Variants in ANKRD36B observed in about 807,000 individuals in gnomAD.
The protein encoded by ANKRD36B is ankyrin repeat domain-containing protein 36B.
In ANKRD36B, 37 loss-of-function variants were observed where a neutral mutation model predicts 135.7. The observed-to-expected ratio is 0.27, with a 90% CI of 0.21 to 0.36. ANKRD36B has a LOEUF of 0.36. Ranked by LOEUF, ANKRD36B falls within the 10% of genes least tolerant of loss-of-function variation. The pLI is 1.00. For synonymous variants in ANKRD36B, 179 were observed against 348.1 expected (o/e 0.51, Z 5.41); for missense variants, 549 against 1,037.1 (o/e 0.53, Z 6.46).
intron 6 of ANKRD36B, among the ~76,000 whole-genome samples, chr2:97,573,501 C>G (rs77456877): frequency 1.3e-5 from 2 of 148,892 alleles, no homozygotes; most frequent in African/African-American, 5.0e-5. Context: ...CCCCATCAAG[C>G]TATCAATGAC....
chr2:97,540,268 G>A lies in ANKRD36B; in HGVS notation c.1886-39C>T, dbSNP rs376050070. On this transcript the variant is annotated intron_variant, in intron 28 of 43. Transcript: ENST00000359901. ...GGGATACATAATCACCCACATGCAC[G>A]TATGATAAAGTTATTCATACATTCA... is the stretch of plus-strand genomic sequence containing the variant. 872 of 949,972 alleles carry A rather than the reference G, an allele frequency of 9.2e-4. 323 individuals carry two copies. The highest frequency in any genetic ancestry group is 1.1e-3 in the Admixed American group (55 of 48,164). The allele number at this position is 949,972 out of a possible 1,614,324, so 58.8% of individuals were successfully genotyped here.
At chr2:97,561,999 A>ATGCATTTAG (rs70938519) in intron 6 of ANKRD36B, among the ~76,000 whole-genome samples, 1 of 33,112 alleles carries the variant, frequency 3.0e-5, no homozygotes, top group Non-Finnish European at 1.4e-4. Context: ...ATCTGAAGTG[A>ATGCATTTAG]GTTCACTTAA....
intron 10 of ANKRD36B, among the ~76,000 whole-genome samples, chr2:97,558,268 G>A (rs2080709270): frequency 6.6e-6 from 1 of 152,142 alleles, no homozygotes; most frequent in African/African-American, 2.4e-5. Context: ...GTTCGAATAT[G>A]CAACTGAACT....
intron 4 of ANKRD36B, among the ~76,000 whole-genome samples, chr2:97,580,240 T>C (rs1193713367): frequency 5.9e-5 from 9 of 152,236 alleles, no homozygotes; most frequent in African/African-American, 2.2e-4. Context: ...GTATAATGTC[T>C]ATAGAGAGAG....
chr2:97,566,812 A>G (rs1473244530), intron 6 of ANKRD36B, among the ~76,000 whole-genome samples: 1 of 152,148 alleles, frequency 6.6e-6, no homozygotes, highest in Non-Finnish European at 1.5e-5. Flanking sequence ...CCGCAACAAC[A>G]ATCATCAGCA....
rs1247860221 is a variant in ANKRD36B, at chr2:97,537,908, T to C, written c.2089+260A>G. Among the ~76,000 whole-genome samples the C allele has an allele frequency of 4.1e-5, 4 of 96,786 alleles. 1 individual carries two copies. Among genetic ancestry groups the C allele is most frequent in the Non-Finnish European group, 1.1e-4 (4 of 36,426 alleles). 63.5% of individuals were successfully genotyped at this position (96,786 alleles called of 152,430 possible). A position where few individuals can be genotyped will look rare whatever the true frequency, so the allele number is the denominator to read the frequency against. ...AAAATTATGCTGTCCCCGGATCCTCTTATCTCTTATGTCTTGAACTGTTTT... is the reference window on the plus strand; with the variant it reads ...AAAATTATGCTGTCCCCGGATCCTCCTATCTCTTATGTCTTGAACTGTTTT... On this transcript the variant is annotated intron_variant, in intron 32 of 43. Transcript: ENST00000359901.
intron 29 of ANKRD36B, 27 bp downstream of exon 29, chr2:97,540,174 T>A (rs2079082954): frequency 2.1e-6 from 2 of 961,580 alleles, no homozygotes; most frequent in Admixed American, 4.2e-5. Context: ...AATTACTAGT[T>A]CACAATATAA....
Position 97,550,720 on chromosome 2 carries a change from T to G in ANKRD36B, c.1375+569A>C, listed in dbSNP as rs534638938. ...TGCTGGAGTTGCCAAAATCAAATAT[T>G]GTTTATGAAAATGTTCCAAATGCAT... On this transcript the variant is annotated intron_variant, in intron 18 of 43. Transcript: ENST00000359901. Among the ~76,000 whole-genome samples, 3 of 151,990 alleles carry G rather than the reference T, an allele frequency of 2.0e-5. No individual in the cohort carries two copies. The South Asian group carries it at 6.2e-4, about 32-fold the overall frequency.
At chr2:97,561,150 G>A (rs1036002224) in intron 6 of ANKRD36B, among the ~76,000 whole-genome samples, 23 of 151,988 alleles carry the variant, frequency 1.5e-4, no homozygotes, top group African/African-American at 5.3e-4. Context: ...TGGATATGCT[G>A]AGTGATGAGG....
intron 6 of ANKRD36B, among the ~76,000 whole-genome samples, chr2:97,572,107 T>C (rs898154464): frequency 1.3e-5 from 2 of 151,980 alleles, no homozygotes; most frequent in African/African-American, 2.4e-5. Context: ...ACCTTTGTCT[T>C]TAAAAAATAA....
At position 97,551,253 on chromosome 2, in the gene ANKRD36B, A is replaced by G. The variant is rs768555259; in HGVS notation, c.1375+36T>C. ...TCGGGGAAGAGAACTTCTTATCTGG[A>G]CTGAACATGACATTAAATGTGTTTC... is the stretch of plus-strand genomic sequence containing the variant. On this transcript the variant is annotated intron_variant, in intron 18 of 43. Transcript: ENST00000359901. The G allele has an allele frequency of 3.2e-6, 5 of 1,538,590 alleles. No homozygotes were observed. The South Asian group carries it at 5.9e-5, about 18-fold the overall frequency.
chr2:97,555,181 G>A, intron 13 of ANKRD36B, 45 bp downstream of exon 13: 1 of 1,611,020 alleles, frequency 6.2e-7, no homozygotes, highest in Non-Finnish European at 8.5e-7. Context: ...ATGTTTCATG[G>A]ACTATACAGT....
chr2:97,589,626 A>G lies in ANKRD36B; in HGVS notation c.60T>C (p.His20=). 2 of 1,614,118 alleles carry G rather than the reference A, an allele frequency of 1.2e-6. No individual in the cohort carries two copies. Among genetic ancestry groups the G allele is most frequent in the South Asian group, 2.2e-5 (2 of 91,080 alleles). Reference sequence around the variant, plus strand: ...AGACAGCTCTGTGGATCCTCTTCAGATGATACGGTTTAATGTAGTAATGGG... The same window carrying G: ...AGACAGCTCTGTGGATCCTCTTCAGGTGATACGGTTTAATGTAGTAATGGG... ...AFPHYYIKPY[H]LKRIHRAVLR... is the part of the protein sequence containing the mutation. The change falls in exon 1 of 44, where the codon CAT becomes CAC. Residue 20 remains histidine (H), a synonymous_variant. Coordinates refer to ENST00000359901, the MANE Select transcript of ANKRD36B (RefSeq NM_001393939.1).
intron 6 of ANKRD36B, among the ~76,000 whole-genome samples, chr2:97,565,702 A>G (rs538104671): frequency 6.6e-6 from 1 of 152,160 alleles, no homozygotes; most frequent in Non-Finnish European, 1.5e-5. Flanking sequence ...TCAGGAAACA[A>G]CAGATGCTGG....
Position 97,551,454 on chromosome 2 carries a change from T to C in ANKRD36B, c.1300A>G (p.Lys434Glu), listed in dbSNP as rs779524384. 9 of 1,607,014 alleles carry C rather than the reference T, an allele frequency of 5.6e-6. No homozygotes were observed. The highest frequency in any genetic ancestry group is 7.6e-6 in the Non-Finnish European group (9 of 1,178,770). ...AATATAAATGAGAGTTTCATTACCT[T>C]CAAGGCTGGTTTTTTCTGAGAAGAC... is the stretch of plus-strand genomic sequence containing the variant. Reference protein sequence around the residue: ...TVSSQKKPALKATSDEKDSFS... With the variant: ...TVSSQKKPALEATSDEKDSFS... Residue 434 changes from lysine (K) to glutamate (E), a missense_variant and splice_region_variant, in exon 17 of 44, where the codon AAG becomes GAG. By Grantham distance (56) the Lys-to-Glu change is moderately conservative. Coordinates refer to ENST00000359901, the MANE Select transcript of ANKRD36B (RefSeq NM_001393939.1).
At chr2:97,546,141 A>G (rs1336844538) in intron 22 of ANKRD36B, among the ~76,000 whole-genome samples, 8 of 151,756 alleles carry the variant, frequency 5.3e-5, no homozygotes, top group Middle Eastern at 3.2e-3. Flanking sequence ...CGATATGCCG[A>G]GTGATGAGGA....
chr2:97,566,282 T>C (rs1318230902), intron 6 of ANKRD36B, among the ~76,000 whole-genome samples: 6 of 151,994 alleles, frequency 3.9e-5, no homozygotes, highest in Admixed American at 1.3e-4. Flanking sequence ...GATTGTGCCA[T>C]TCCACTCCAG....
intron 5 of ANKRD36B, among the ~76,000 whole-genome samples, chr2:97,578,312 A>G (rs2082356081): frequency 6.6e-6 from 1 of 152,104 alleles, no homozygotes; most frequent in African/African-American, 2.4e-5. Context: ...CAGAAAGGGC[A>G]TGCTGGTAGC....
intron 4 of ANKRD36B, 69 bp downstream of exon 4, chr2:97,580,393 G>A: frequency 7.5e-7 from 1 of 1,341,606 alleles, no homozygotes; most frequent in Non-Finnish European, 1.0e-6. Flanking sequence ...TTTGTGACTT[G>A]AGTGACTGCT....
Sources: allele counts gnomAD v4.1 joint callset (sites outside exome capture counted in the v4.1 genomes callset), GRCh38; gene constraint gnomAD v4.1.1; transcripts MANE v1.5; gene names NCBI Gene and HGNC (gene_info 2026-07-23, HGNC 2026-07-21).